The following CDC20 variants were observed in gnomAD, a reference collection of about 807,000 sequenced individuals.
CDC20 encodes the protein cell division cycle protein 20 homolog.
Under a neutral mutation model 60.0 loss-of-function variants are expected in CDC20, and 34 were observed. The observed-to-expected ratio is 0.57, with a 90% CI of 0.43 to 0.75. The LOEUF (loss-of-function observed/expected upper bound fraction) is 0.75, where lower values mean the gene tolerates loss of function less well. Among genes scored for constraint, CDC20 ranks in the 30% least tolerant of loss-of-function variants. The pLI is 0.00. For missense variants in CDC20, 469 were observed against 647.3 expected (o/e 0.72, Z 2.99); for synonymous variants, 198 against 243.5 (o/e 0.81, Z 1.74).
chr1:43,360,033 C>G lies in CDC20; in HGVS notation c.492C>G (p.Thr164=), dbSNP rs1468454883. 1.1e-5 allele frequency: 18 copies of G among 1,614,196 alleles called. No individual in the cohort carries two copies. Among genetic ancestry groups the G allele is most frequent in the Non-Finnish European group, 1.5e-5 (18 of 1,180,002 alleles). The part of the protein sequence containing the change: ...QKATPGSSRK[T]CRYIPSLPDR... ...CCACTCCTGGCTCCAGCCGGAAGAC[C>G]TGCCGTTACATTCCTTCCCTGCCAG... is the stretch of plus-strand genomic sequence containing the variant. The change falls in exon 5 of 11, where the codon ACC becomes ACG. Residue 164 remains threonine (T), a synonymous_variant. Transcript: ENST00000310955.
intron 9 of CDC20, 94 bp from the exon 10 acceptor site, chr1:43,362,101 A>T (rs1647175191): frequency 1.4e-6 from 1 of 716,444 alleles, no homozygotes; most frequent in Non-Finnish European, 2.5e-6. Flanking sequence ...CTGAGTCTGG[A>T]GCATGTGGCA....
At chr1:43,361,652 A>G (rs1647173140) in intron 9 of CDC20, among the ~76,000 whole-genome samples, 1 of 152,078 alleles carries the variant, frequency 6.6e-6, no homozygotes, top group African/African-American at 2.4e-5. Context: ...GCCCACTACA[A>G]TGGCTTCCTC....
In CDC20 at chr1:43,360,643, C is replaced by A. The variant is rs756915676; in HGVS notation, c.848+50C>A. ...GTAGTCTGATATTTGCCCACCCTCC[C>A]CTTGACTGTACACCCCTGAACTGAA... On this transcript the variant is annotated intron_variant, in intron 7 of 10. Coordinates refer to ENST00000310955, the MANE Select transcript of CDC20 (RefSeq NM_001255.3). 5.1e-6 allele frequency: 8 copies of A among 1,567,656 alleles called. No homozygotes were observed. In the African/African-American group the frequency reaches 1.1e-4, roughly 21 times the overall value.
chr1:43,361,510 A>G (rs920746058), intron 9 of CDC20, among the ~76,000 whole-genome samples: 3 of 152,194 alleles, frequency 2.0e-5, no homozygotes, highest in South Asian at 4.1e-4. Context: ...TTGCTTTGGA[A>G]TGGCAGAACC....
At position 43,360,953 on chromosome 1, in the gene CDC20, G is replaced by GCTGT; in HGVS notation, c.1071_1074dup (p.Lys359CysfsTer22). ...GCAGACATTCACCCAGCATCAAGGG[G>GCTGT]CTGTCAAGGTGAGTAGGGTTGGGCT... On this transcript the variant is annotated frameshift_variant, in exon 8 of 11. Transcript: ENST00000310955. LOFTEE classifies it high-confidence loss of function. The GCTGT allele has an allele frequency of 6.2e-7, 1 of 1,613,432 alleles. No individual in the cohort carries two copies. Among genetic ancestry groups the GCTGT allele is most frequent in the Non-Finnish European group, 8.5e-7 (1 of 1,179,460 alleles).
At position 43,361,136 on chromosome 1, in the gene CDC20, C is replaced by T. The variant is rs761743390; in HGVS notation, c.1094C>T (p.Pro365Leu). Residue 365 changes from proline to leucine, a missense_variant, in exon 9 of 11, where the codon CCC becomes CTC. Physicochemically the swap from Pro to Leu is moderately conservative, Grantham distance 98. Coordinates refer to ENST00000310955, the MANE Select transcript of CDC20 (RefSeq NM_001255.3). Reference protein sequence around the residue: ...QGAVKAVAWCPWQSNVLATGG... With the variant: ...QGAVKAVAWCLWQSNVLATGG... Reference sequence around the variant, plus strand: ...TCCATCTAGGCCGTAGCATGGTGTCCCTGGCAGTCCAATGTCCTGGCAACA... The same window carrying T: ...TCCATCTAGGCCGTAGCATGGTGTCTCTGGCAGTCCAATGTCCTGGCAACA... 6.2e-7 allele frequency: 1 copy of T among 1,614,044 alleles called. No homozygotes were observed. The highest frequency in any genetic ancestry group is 1.1e-5 in the South Asian group (1 of 91,064).
intron 7 of CDC20, 30 bp downstream of exon 7, chr1:43,360,623 C>CTT: frequency 6.3e-7 from 1 of 1,593,582 alleles, no homozygotes; most frequent in Non-Finnish European, 8.6e-7. Context: ...CTATGGTAGT[C>CTT]TGATATTTGC....
Position 43,359,709 on chromosome 1 carries a change from C to G in CDC20, c.331-16C>G. The G allele has an allele frequency of 6.2e-7, 1 of 1,613,862 alleles. No homozygotes were observed. The highest frequency in any genetic ancestry group is 8.5e-7 in the Non-Finnish European group (1 of 1,179,966). On this transcript the variant is annotated splice_polypyrimidine_tract_variant and intron_variant, in intron 3 of 10. Transcript: ENST00000310955. The stretch of plus-strand genomic sequence containing the variant: ...TGGATAATACCATCTTGCTCCTTCA[C>G]TACCCTTTATGCCAGGAACATCAGA...
chr1:43,361,095 C>T, intron 8 of CDC20, 25 bp from the exon 9 acceptor site: 1 of 1,613,980 alleles, frequency 6.2e-7, no homozygotes, highest in Non-Finnish European at 8.5e-7. Flanking sequence ...CTAGTACCTG[C>T]TGACCCCACC....
In CDC20 at chr1:43,359,258, C is replaced by T. The variant is rs1467610586; in HGVS notation, c.43C>T (p.Gln15Ter). 1 of 1,611,754 alleles carries T rather than the reference C, an allele frequency of 6.2e-7. No homozygotes were observed. The highest frequency in any genetic ancestry group is 8.5e-7 in the Non-Finnish European group (1 of 1,179,930). Reference protein sequence around the residue: ...AFESDLHSLLQLDAPIPNAPP... With the variant: ...AFESDLHSLL ...CGAGAGTGACCTGCACTCGCTGCTT[C>T]AGCTGGATGCACCCATCCCCAATGC... The change falls in exon 2 of 11, where the codon CAG (glutamine) becomes TAG (stop). Residue 15 changes from glutamine to a stop codon, truncating the protein, a stop_gained. Transcript: ENST00000310955. LOFTEE classifies it high-confidence loss of function.
chr1:43,363,086 C>T lies in CDC20; in HGVS notation c.1457C>T (p.Ala486Val), dbSNP rs1045022120. Reference protein sequence around the residue: ...DPARRREREKASAAKSSLIHQ... With the variant: ...DPARRREREKVSAAKSSLIHQ... ...GCGCGGCGGCGGGAGCGGGAGAAGG[C>T]CAGTGCAGCCAAAAGCAGCCTCATC... is the stretch of plus-strand genomic sequence containing the variant. The change falls in exon 11 of 11, where the codon GCC becomes GTC. Residue 486 changes from alanine (A) to valine (V), a missense_variant. Ala to Val is a moderately conservative substitution (Grantham distance 64). Around this residue, in one of 5 missense-constraint regions of CDC20, gnomAD observed 72 missense variants for 77.9 expected, o/e 0.92. Coordinates refer to ENST00000310955, the MANE Select transcript of CDC20 (RefSeq NM_001255.3). 6.2e-7 allele frequency: 1 copy of T among 1,613,268 alleles called. No individual in the cohort carries two copies. The highest frequency in any genetic ancestry group is 8.5e-7 in the Non-Finnish European group (1 of 1,179,744).
intron 4 of CDC20, 52 bp from the exon 5 acceptor site, chr1:43,359,917 G>A: frequency 1.3e-6 from 2 of 1,598,996 alleles, no homozygotes; most frequent in Non-Finnish European, 8.6e-7. Flanking sequence ...TAAGATTGAG[G>A]GCAAGGGAGG....
rs368218162 is a variant in CDC20 at position 43,361,227 on chromosome 1, C to T, written c.1185C>T (p.Ala395=). 1.9e-6 allele frequency: 3 copies of T among 1,607,756 alleles called. No individual in the cohort carries two copies. Among genetic ancestry groups the T allele is most frequent in the Non-Finnish European group, 2.5e-6 (3 of 1,176,840 alleles). Reference sequence around the variant, plus strand: ...TGTGCTCTGGGGCCTGTCTGAGTGCCGTGGATGCCCATTCCCAGGTAATCT... The same window carrying T: ...TGTGCTCTGGGGCCTGTCTGAGTGCTGTGGATGCCCATTCCCAGGTAATCT... ...WNVCSGACLS[A]VDAHSQVCSI... is the part of the protein sequence containing the mutation. Residue 395 remains alanine (A), a synonymous_variant, in exon 9 of 11, where the codon GCC becomes GCT. Transcript: ENST00000310955.
chr1:43,362,135 T>G (rs995217113), intron 9 of CDC20, 60 bp from the exon 10 acceptor site: 1 of 965,330 alleles, frequency 1.0e-6, no homozygotes, highest in African/African-American at 1.6e-5. Flanking sequence ...TAGAATGGGC[T>G]CAGTTCTGAT....
chr1:43,359,873 G>A (rs747978256), intron 4 of CDC20, 52 bp downstream of exon 4: 5 of 1,608,764 alleles, frequency 3.1e-6, no homozygotes, highest in South Asian at 1.1e-5. Context: ...TCATCTCCAG[G>A]GCTGAGCACA....
rs1647169526 is a variant in CDC20, at chr1:43,360,838, C to A, written c.954C>A (p.Ala318=). The A allele has an allele frequency of 1.2e-6, 2 of 1,614,110 alleles. No individual in the cohort carries two copies. Among genetic ancestry groups the A allele is most frequent in the African/African-American group, 1.3e-5 (1 of 75,032 alleles). The change falls in exon 8 of 11, where the codon GCC becomes GCA. Residue 318 remains alanine, a synonymous_variant. Coordinates refer to ENST00000310955, the MANE Select transcript of CDC20 (RefSeq NM_001255.3). ...HSQEVCGLRW[A]PDGRHLASGG... is the part of the protein sequence containing the mutation. ...AGGAAGTGTGTGGGCTGCGCTGGGC[C>A]CCAGATGGACGACATTTGGCCAGTG... is the stretch of plus-strand genomic sequence containing the variant.
chr1:43,358,990 C>T lies in CDC20; in HGVS notation c.-66C>T. ...CCAGGCGTGTTAAAGCCGGTCGGAA[C>T]TGCTCCGGAGGGCACGGTGAGAGGT... On this transcript the variant is annotated 5_prime_UTR_variant, in exon 1 of 11. Transcript: ENST00000310955. The T allele has an allele frequency of 1.7e-6, 1 of 599,484 alleles. No homozygotes were observed. The highest frequency in any genetic ancestry group is 3.0e-5 in the Admixed American group (1 of 33,546). 37.1% of individuals were successfully genotyped at this position (599,484 alleles called of 1,614,324 possible). A position where few individuals can be genotyped will look rare whatever the true frequency, so the allele number is the denominator to read the frequency against.
chr1:43,361,068 G>A, intron 8 of CDC20, 52 bp from the exon 9 acceptor site: 2 of 1,612,840 alleles, frequency 1.2e-6, no homozygotes, highest in African/African-American at 1.3e-5. Context: ...GTGACCCCTA[G>A]AGCTCCTTGT....
rs150211823 is a variant in CDC20 at position 43,363,162 on chromosome 1, T to C, written c.*33T>C. 7.1e-5 allele frequency: 113 copies of C among 1,585,920 alleles called. 1 individual carries two copies. The Middle Eastern group carries it at 1.3e-3, about 19-fold the overall frequency. On this transcript the variant is annotated 3_prime_UTR_variant, in exon 11 of 11. Transcript: ENST00000310955. ...CCCATCACCTCAGTTGTTTTTTATT[T>C]TTCTAATAAAGTCATGTCTCCCTTC...
Sources: gnomAD v4.1 joint callset for allele counts (sites outside exome capture counted in the v4.1 genomes callset) on GRCh38, gnomAD v4.1.1 for gene constraint, gnomAD v4.1.1 regional missense constraint, MANE v1.5 for transcripts, NCBI Gene and HGNC (gene_info 2026-07-23, HGNC 2026-07-21) for gene names.